The following MAPKAP1 variants were observed in gnomAD, a reference collection of about 807,000 sequenced individuals.
MAPKAP1 encodes the protein target of rapamycin complex 2 subunit MAPKAP1.
MAPKAP1 carries 20 observed loss-of-function variants against 65.7 expected under a neutral mutation model. The observed-to-expected ratio is 0.30, with a 90% confidence interval of 0.21 to 0.44. The LOEUF is 0.44. MAPKAP1 is among the 20% of genes least tolerant of loss of function. MAPKAP1 has a pLI of 1.00. For missense variants in MAPKAP1, 423 were observed against 648.0 expected, an observed-to-expected ratio of 0.65 and a Z score of 3.77; for synonymous variants, 222 against 244.3, an observed-to-expected ratio of 0.91 and a Z score of 0.85.
At chr9:125,682,566 T>C (rs986229211) in intron 1 of MAPKAP1, among the ~76,000 whole-genome samples, 5 of 152,376 alleles carry the variant, frequency 3.3e-5, no homozygotes, top group Admixed American at 2.0e-4. Context: ...CAGTTCGGTA[T>C]AATGTGGCCC....
intron 3 of MAPKAP1, among the ~76,000 whole-genome samples, chr9:125,660,570 T>C (rs1834155402): frequency 6.6e-6 from 1 of 152,204 alleles, no homozygotes; most frequent in African/African-American, 2.4e-5. Flanking sequence ...TTCACTTGGA[T>C]GTCCACCAGG....
intron 5 of MAPKAP1, among the ~76,000 whole-genome samples, chr9:125,574,365 A>G (rs1428666288): frequency 6.6e-6 from 1 of 152,244 alleles, no homozygotes; most frequent in African/African-American, 2.4e-5. Flanking sequence ...AAAAGCTGCC[A>G]GTAAAAGAAT....
At chr9:125,693,666 C>CGTATACATACACATAT (rs1488253193) in intron 1 of MAPKAP1, among the ~76,000 whole-genome samples, 1 of 134,328 alleles carries the variant, frequency 7.4e-6, no homozygotes, top group African/African-American at 3.0e-5. Context: ...CATACACACA[C>CGTATACATACACATAT]ATATACACGT....
chr9:125,475,066 G>A (rs1210959541), intron 9 of MAPKAP1, among the ~76,000 whole-genome samples: 1 of 152,202 alleles, frequency 6.6e-6, no homozygotes, highest in South Asian at 2.1e-4. Context: ...CACACAGGCT[G>A]TTTGGGCTTA....
chr9:125,562,686 T>G, intron 5 of MAPKAP1, among the ~76,000 whole-genome samples: 1 of 152,220 alleles, frequency 6.6e-6, no homozygotes, highest in Non-Finnish European at 1.5e-5. Flanking sequence ...CTACATTTAT[T>G]GAGTACTATA....
chr9:125,674,406 C>T (rs1202637258), intron 1 of MAPKAP1, among the ~76,000 whole-genome samples: 2 of 152,212 alleles, frequency 1.3e-5, no homozygotes, highest in African/African-American at 4.8e-5. Context: ...GAGGACACTG[C>T]AAGTCATCTG....
At chr9:125,478,491 C>T (rs1854189806) in intron 9 of MAPKAP1, among the ~76,000 whole-genome samples, 3 of 152,090 alleles carry the variant, frequency 2.0e-5, no homozygotes, top group African/African-American at 7.2e-5. Context: ...CCACACCCAG[C>T]TAAGGTTTTT....
chr9:125,672,976 T>C (rs1834537761), intron 1 of MAPKAP1, among the ~76,000 whole-genome samples: 1 of 152,216 alleles, frequency 6.6e-6, no homozygotes, highest in South Asian at 2.1e-4. Flanking sequence ...TTCACTATCA[T>C]GCAATCTTCT....
chr9:125,522,009 C>A (rs892627690), intron 7 of MAPKAP1, among the ~76,000 whole-genome samples: 1 of 152,210 alleles, frequency 6.6e-6, no homozygotes, highest in Admixed American at 6.5e-5. Flanking sequence ...CTGTTAAATG[C>A]GGATAATACA....
chr9:125,569,941 A>C (rs1044331768), intron 5 of MAPKAP1, among the ~76,000 whole-genome samples: 5 of 152,270 alleles, frequency 3.3e-5, no homozygotes, highest in Admixed American at 6.5e-5. Flanking sequence ...TTGGGAAATG[A>C]AAACAGCTTT....
chr9:125,583,976 T>G lies in MAPKAP1; in HGVS notation c.671+1579A>C, dbSNP rs529073571. On this transcript the variant is annotated intron_variant, in intron 5 of 11. Transcript: ENST00000265960. ...TACTCGGGAGGCTGAGGTAGGAGAA[T>G]GGCGTGAACCCGGGAGGCGGAGCCT... 1.4e-4 allele frequency among the ~76,000 whole-genome samples: 21 copies of G among 151,026 alleles called. No homozygotes were observed. The South Asian group carries it at 4.2e-3, about 30-fold the overall frequency.
At position 125,444,494 on chromosome 9, in the gene MAPKAP1, T is replaced by C; in HGVS notation, c.1443+7A>G. ...ACCCTGTCTCTGGTTCAAGAAGGAA[T>C]ACTCACCTTGAGCACAATTTCATTG... On this transcript the variant is annotated splice_region_variant and intron_variant, in intron 11 of 11. Transcript: ENST00000265960. 1.2e-6 allele frequency: 2 copies of C among 1,604,668 alleles called. No individual in the cohort carries two copies. Among genetic ancestry groups the C allele is most frequent in the Non-Finnish European group, 8.5e-7 (1 of 1,172,620 alleles).
chr9:125,685,012 A>G (rs1014575868), intron 1 of MAPKAP1, among the ~76,000 whole-genome samples: 2 of 152,144 alleles, frequency 1.3e-5, no homozygotes, highest in Non-Finnish European at 2.9e-5. Flanking sequence ...CTTAGTTCCT[A>G]GTTCTACCAA....
chr9:125,698,018 C>T (rs1835435840), intron 1 of MAPKAP1, among the ~76,000 whole-genome samples: 1 of 151,158 alleles, frequency 6.6e-6, no homozygotes, highest in Admixed American at 6.6e-5. Context: ...AGGGCCAGTC[C>T]CAATATCCAA....
chr9:125,653,059 GT>G (rs1348145027), intron 4 of MAPKAP1, among the ~76,000 whole-genome samples: 1 of 152,222 alleles, frequency 6.6e-6, no homozygotes, highest in Non-Finnish European at 1.5e-5. Flanking sequence ...TATTTGTTGA[GT>G]GTTTCCTATG....
At position 125,461,929 on chromosome 9, in the gene MAPKAP1, G is replaced by A. The variant is rs1026315926; in HGVS notation, c.1345+6043C>T. Among the ~76,000 whole-genome samples the A allele has an allele frequency of 3.9e-5, 6 of 152,132 alleles. No homozygotes were observed. The South Asian group carries it at 6.2e-4, about 16-fold the overall frequency. ...ACTGGGCCCTCAGTGCACCAGCAGG[G>A]CTGTAGATATCCACCTGTCTACCTT... On this transcript the variant is annotated intron_variant, in intron 10 of 11. Transcript: ENST00000265960.
intron 5 of MAPKAP1, among the ~76,000 whole-genome samples, chr9:125,580,447 A>C (rs982656536): frequency 4.6e-5 from 6 of 131,298 alleles, no homozygotes; most frequent in Admixed American, 1.5e-4. Flanking sequence ...CAGAAATCCA[A>C]ACACCGCAAG....
chr9:125,648,638 C>T (rs1288817046), intron 4 of MAPKAP1, among the ~76,000 whole-genome samples: 1 of 152,068 alleles, frequency 6.6e-6, no homozygotes, highest in Non-Finnish European at 1.5e-5. Context: ...TGTATGAACC[C>T]CATTAATGAA....
intron 4 of MAPKAP1, among the ~76,000 whole-genome samples, chr9:125,654,096 G>A (rs1273329161): frequency 6.6e-6 from 1 of 152,170 alleles, no homozygotes; most frequent in African/African-American, 2.4e-5. Flanking sequence ...TGGAGAAACA[G>A]GGCAGAAAAT....
Sources: gnomAD v4.1 joint callset for allele counts (sites outside exome capture counted in the v4.1 genomes callset) on GRCh38, gnomAD v4.1.1 for gene constraint, MANE v1.5 for transcripts, NCBI Gene and HGNC (gene_info 2026-07-23, HGNC 2026-07-21) for gene names.